The following NHSL2 variants were observed in gnomAD, a reference collection of about 807,000 sequenced individuals.
NHSL2 encodes NHS-like protein 2.
In NHSL2, 27 loss-of-function variants were observed where a neutral mutation model predicts 53.4. That is an observed-to-expected ratio of 0.51 (90% CI 0.37 to 0.70). NHSL2 has a LOEUF of 0.70. Among genes scored for constraint, NHSL2 ranks in the 30% least tolerant of loss-of-function variants. The probability of loss-of-function intolerance (pLI) is 0.00; values close to 1 mark genes in which losing one functional copy is unlikely to be tolerated. For missense variants in NHSL2, 892 were observed against 980.1 expected, an observed-to-expected ratio of 0.91 and a Z score of 1.20; for synonymous variants, 408 against 404.1, an observed-to-expected ratio of 1.01 and a Z score of -0.12.
At chrX:71,927,104 A>AT (rs2041689346) in intron 1 of NHSL2, among the ~76,000 whole-genome samples, 1 of 112,349 alleles carries the variant, frequency 8.9e-6, no homozygotes, top group Non-Finnish European at 1.9e-5. Flanking sequence ...TTTGAGAGAC[A>AT]GAAATTCATG....
intron 1 of NHSL2, among the ~76,000 whole-genome samples, chrX:72,071,907 C>A (rs980119717): frequency 8.9e-6 from 1 of 112,163 alleles, no homozygotes; most frequent in Non-Finnish European, 1.9e-5. Context: ...ACATCTGAGC[C>A]CCTCTCTTAT....
At chrX:72,034,864 A>T (rs1322429774) in intron 1 of NHSL2, among the ~76,000 whole-genome samples, 1 of 111,860 alleles carries the variant, frequency 8.9e-6, no homozygotes, top group Non-Finnish European at 1.9e-5. Flanking sequence ...TTGAAAATGA[A>T]CTTTTGTTTC....
intron 1 of NHSL2, among the ~76,000 whole-genome samples, chrX:71,968,900 A>G (rs963834478): frequency 3.6e-5 from 4 of 112,277 alleles, no homozygotes; most frequent in Non-Finnish European, 7.5e-5. Context: ...GTCTTGTGCT[A>G]GCACCATGCA....
At chrX:72,067,689 G>A (rs2042439496) in intron 1 of NHSL2, among the ~76,000 whole-genome samples, 1 of 111,854 alleles carries the variant, frequency 8.9e-6, no homozygotes, top group Non-Finnish European at 1.9e-5. Flanking sequence ...TGCTTGCTCT[G>A]GGACCTCTAT....
chrX:72,062,871 C>A (rs1244415765), intron 1 of NHSL2, among the ~76,000 whole-genome samples: 1 of 112,071 alleles, frequency 8.9e-6, no homozygotes, highest in Non-Finnish European at 1.9e-5. Flanking sequence ...AGAGAACCTG[C>A]TTGTTGACTA....
intron 1 of NHSL2, among the ~76,000 whole-genome samples, chrX:71,919,539 C>T (rs2041646413): frequency 9.0e-6 from 1 of 111,643 alleles, no homozygotes; most frequent in Non-Finnish European, 1.9e-5. Context: ...CTTCCCTTTT[C>T]CAGAATATGT....
At chrX:71,913,214 G>A (rs2041612703) in intron 1 of NHSL2, among the ~76,000 whole-genome samples, 1 of 111,383 alleles carries the variant, frequency 9.0e-6, no homozygotes, top group African/African-American at 3.3e-5. Flanking sequence ...TGGTGAAAAG[G>A]TCTGATTTTC....
chrX:71,992,744 CA>C (rs1234088774), intron 1 of NHSL2, among the ~76,000 whole-genome samples: 3 of 112,290 alleles, frequency 2.7e-5, no homozygotes, highest in African/African-American at 9.7e-5. Context: ...TTGCGGCTGC[CA>C]GGGGAAGTGG....
chrX:72,069,791 C>A lies in NHSL2; in HGVS notation c.281-62288C>A, dbSNP rs762412826. The stretch of plus-strand genomic sequence containing the variant: ...CTTCCCTCCTTTTCCGGGGCTCCTA[C>A]AGCCAGGGCCTCCCAGCTGCTGCCA... On this transcript the variant is annotated intron_variant, in intron 1 of 7. Coordinates refer to ENST00000633930, the MANE Select transcript of NHSL2 (RefSeq NM_001013627.3). The A allele has an allele frequency of 5.3e-6, 4 of 757,520 alleles. No homozygotes were observed. The South Asian group carries it at 3.0e-4, about 57-fold the overall frequency. 62.4% of individuals were successfully genotyped at this position (757,520 alleles called of 1,213,427 possible).
rs55912050 is a variant in NHSL2 at position 72,144,704 on chromosome X, GCACA to G, written c.*1169_*1172del. 0.022 allele frequency: 3,487 copies of G among 158,186 alleles called. 48 individuals carry two copies. The highest frequency in any genetic ancestry group is 0.046 in the Admixed American group (653 of 14,175). The allele number at this position is 158,186 out of a possible 1,213,427, so 13.0% of individuals were successfully genotyped here. ...CTTGCCAGTTGCTATGGCCCATAATGCACACACACACACACACACACACACACAC... is the reference window on the plus strand; with the variant it reads ...CTTGCCAGTTGCTATGGCCCATAATGCACACACACACACACACACACACAC... On this transcript the variant is annotated 3_prime_UTR_variant, in exon 8 of 8. Coordinates refer to ENST00000633930, the MANE Select transcript of NHSL2 (RefSeq NM_001013627.3).
intron 1 of NHSL2, chrX:72,129,763 G>T (rs2042264910): frequency 9.6e-7 from 1 of 1,038,379 alleles, no homozygotes; most frequent in Non-Finnish European, 1.3e-6. Flanking sequence ...GGGCAGGTAT[G>T]GCAGCAATAG....
At chrX:71,963,676 C>T (rs1417632331) in intron 1 of NHSL2, among the ~76,000 whole-genome samples, 1 of 109,516 alleles carries the variant, frequency 9.1e-6, no homozygotes, top group African/African-American at 3.3e-5. Context: ...GCAATTCCAG[C>T]ACTTTGGGAG....
chrX:72,018,736 T>A (rs1300924904), intron 1 of NHSL2, among the ~76,000 whole-genome samples: 1 of 111,141 alleles, frequency 9.0e-6, no homozygotes, highest in Non-Finnish European at 1.9e-5. Context: ...CCCCGCGGAG[T>A]GGCGGCGCCA....
At chrX:72,047,019 G>C (rs1027840170) in intron 1 of NHSL2, among the ~76,000 whole-genome samples, 1 of 111,987 alleles carries the variant, frequency 8.9e-6, no homozygotes, top group African/African-American at 3.3e-5. Context: ...TTAAAACTTA[G>C]GTTTGTTTAA....
chrX:72,063,350 G>T (rs1223923158), intron 1 of NHSL2, among the ~76,000 whole-genome samples: 1 of 112,079 alleles, frequency 8.9e-6, no homozygotes, highest in Non-Finnish European at 1.9e-5. Context: ...CTTGAGTAGG[G>T]GCTACTATGT....
chrX:71,922,074 C>A (rs1469041053), intron 1 of NHSL2, among the ~76,000 whole-genome samples: 7 of 112,786 alleles, frequency 6.2e-5, no homozygotes, highest in Non-Finnish European at 1.3e-4. Flanking sequence ...CCCAGTTGCA[C>A]AGTAGAATGT....
At chrX:72,108,194 G>A (rs1313777164) in intron 1 of NHSL2, among the ~76,000 whole-genome samples, 1 of 112,129 alleles carries the variant, frequency 8.9e-6, no homozygotes, top group Non-Finnish European at 1.9e-5. Flanking sequence ...CAGTGGCACA[G>A]TGGTGTGCAG....
chrX:72,142,156 A>G, intron 6 of NHSL2, 76 bp from the exon 7 acceptor site: 1 of 849,220 alleles, frequency 1.2e-6, no homozygotes, highest in Non-Finnish European at 1.6e-6. Context: ...TCACCATCAA[A>G]TGAAATAACA....
intron 1 of NHSL2, among the ~76,000 whole-genome samples, chrX:72,001,213 A>AT (rs1309760023): frequency 1.8e-5 from 2 of 112,007 alleles, no homozygotes; most frequent in African/African-American, 6.5e-5. Context: ...TTTTAAAAAA[A>AT]TACTTTCCAA....
Sources: gnomAD v4.1 joint callset for allele counts (sites outside exome capture counted in the v4.1 genomes callset) on GRCh38, gnomAD v4.1.1 for gene constraint, MANE v1.5 for transcripts, NCBI Gene and HGNC (gene_info 2026-07-23, HGNC 2026-07-21) for gene names.